The following CSMD1 variants were observed in gnomAD, a reference collection of about 807,000 sequenced individuals.
CSMD1 encodes the protein CUB and Sushi multiple domains 1.
A neutral mutation model predicts 417.5 loss-of-function variants in CSMD1; 213 were observed. The ratio of observed to expected loss-of-function variants is 0.51; its 90% CI spans 0.46 to 0.57. The LOEUF (loss-of-function observed/expected upper bound fraction) is 0.57, where lower values mean the gene tolerates loss of function less well. Ranked by LOEUF, CSMD1 falls within the 20% of genes least tolerant of loss-of-function variation. The pLI, the probability that CSMD1 is intolerant of heterozygous loss-of-function variation, is 0.00. For synonymous variants in CSMD1, 2,862 were observed against 1,736.8 expected, an observed-to-expected ratio of 1.65 and a Z score of -16.11; for missense variants, 6,923 against 4,529.7, an observed-to-expected ratio of 1.53 and a Z score of -15.17.
At chr8:4,706,463 C>T (rs1368528820) in intron 1 of CSMD1, among the ~76,000 whole-genome samples, 2 of 152,274 alleles carry the variant, frequency 1.3e-5, no homozygotes, top group South Asian at 2.1e-4. Context: ...TCACAAATGT[C>T]TCTATAATAC....
chr8:4,010,755 T>C (rs1458045379), intron 4 of CSMD1, among the ~76,000 whole-genome samples: 1 of 152,206 alleles, frequency 6.6e-6, no homozygotes, highest in Admixed American at 6.5e-5. Flanking sequence ...TTAGGGCTCA[T>C]GGCCTAATGC....
chr8:3,272,266 C>A (rs1465043308), intron 26 of CSMD1, among the ~76,000 whole-genome samples: 1 of 144,024 alleles, frequency 6.9e-6, no homozygotes, highest in Non-Finnish European at 1.5e-5. Context: ...TTTCTGAGGG[C>A]TCTGTTCTAT....
chr8:3,868,319 C>G (rs1585115065), intron 5 of CSMD1, among the ~76,000 whole-genome samples: 2 of 152,046 alleles, frequency 1.3e-5, no homozygotes, highest in East Asian at 3.9e-4. Flanking sequence ...TCATTTTCAC[C>G]CGGAGACATT....
chr8:3,339,894 C>G (rs1807530982), intron 23 of CSMD1, among the ~76,000 whole-genome samples: 1 of 152,150 alleles, frequency 6.6e-6, no homozygotes, highest in Non-Finnish European at 1.5e-5. Flanking sequence ...TGAACATAGA[C>G]AAGTCTGTAA....
intron 5 of CSMD1, among the ~76,000 whole-genome samples, chr8:3,881,228 C>G (rs573801214): frequency 1.3e-5 from 2 of 149,614 alleles, no homozygotes; most frequent in South Asian, 4.2e-4. Context: ...CACTCTCAAC[C>G]CAAACCTCAA....
chr8:4,459,408 G>A (rs967834967), intron 2 of CSMD1, among the ~76,000 whole-genome samples: 13 of 152,214 alleles, frequency 8.5e-5, no homozygotes, highest in Admixed American at 8.5e-4. Flanking sequence ...GAAGCTGAGA[G>A]TGTCTCTGCC....
At chr8:4,513,650 T>A (rs2130357429) in intron 2 of CSMD1, among the ~76,000 whole-genome samples, 1 of 152,192 alleles carries the variant, frequency 6.6e-6, no homozygotes, top group Non-Finnish European at 1.5e-5. Flanking sequence ...AAAGGAAGAG[T>A]TCTTTGCACT....
At chr8:3,667,926 C>A (rs1338273034) in intron 7 of CSMD1, among the ~76,000 whole-genome samples, 2 of 152,150 alleles carry the variant, frequency 1.3e-5, no homozygotes, top group Non-Finnish European at 2.9e-5. Context: ...GGAGACACCA[C>A]TGGTGCCAAT....
chr8:3,826,156 G>C (rs896546650), intron 5 of CSMD1, among the ~76,000 whole-genome samples: 3 of 152,034 alleles, frequency 2.0e-5, no homozygotes, highest in African/African-American at 7.2e-5. Context: ...ATACATCAAA[G>C]TGACGAGGCT....
intron 1 of CSMD1, among the ~76,000 whole-genome samples, chr8:4,766,067 GAAGA>G (rs1157665817): frequency 6.6e-6 from 1 of 152,156 alleles, no homozygotes; most frequent in Non-Finnish European, 1.5e-5. Flanking sequence ...AATCTAGCTA[GAAGA>G]AAGACATTTT....
At chr8:3,848,397 A>G (rs559804984) in intron 5 of CSMD1, among the ~76,000 whole-genome samples, 53 of 152,352 alleles carry the variant, frequency 3.5e-4, no homozygotes, top group African/African-American at 1.2e-3. Context: ...TTCTCTAGGC[A>G]TAGTTGGTGT....
intron 2 of CSMD1, among the ~76,000 whole-genome samples, chr8:4,428,370 G>A (rs552632503): frequency 6.6e-6 from 1 of 152,200 alleles, no homozygotes; most frequent in South Asian, 2.1e-4. Flanking sequence ...AGTAATTCTA[G>A]GTAGCTTGTT....
chr8:3,470,307 T>C (rs891011853), intron 11 of CSMD1, among the ~76,000 whole-genome samples: 1 of 152,234 alleles, frequency 6.6e-6, no homozygotes, highest in African/African-American at 2.4e-5. Context: ...TTATAGTGTA[T>C]AAACACAAGT....
At chr8:3,374,602 C>T (rs1464439564) in intron 18 of CSMD1, among the ~76,000 whole-genome samples, 1 of 152,176 alleles carries the variant, frequency 6.6e-6, no homozygotes, top group Non-Finnish European at 1.5e-5. Context: ...AATGCACATC[C>T]TGGCAAATGT....
intron 3 of CSMD1, among the ~76,000 whole-genome samples, chr8:4,083,772 T>C (rs1416401907): frequency 3.3e-5 from 5 of 152,276 alleles, no homozygotes; most frequent in South Asian, 2.1e-4. Context: ...ATTCAGGACA[T>C]AGGCATGGGC....
intron 3 of CSMD1, among the ~76,000 whole-genome samples, chr8:4,069,387 C>A (rs1490147280): frequency 1.3e-5 from 2 of 152,144 alleles, no homozygotes; most frequent in Non-Finnish European, 2.9e-5. Context: ...ATGCTTTCGT[C>A]TGTTTTCTGA....
chr8:4,127,866 A>T (rs1802858864), intron 3 of CSMD1, among the ~76,000 whole-genome samples: 1 of 152,206 alleles, frequency 6.6e-6, no homozygotes, highest in Non-Finnish European at 1.5e-5. Context: ...GAAGAAACCC[A>T]GACACTGCCA....
At chr8:4,022,774 A>G (rs528297771) in intron 4 of CSMD1, among the ~76,000 whole-genome samples, 77 of 152,334 alleles carry the variant, frequency 5.1e-4, no homozygotes, top group African/African-American at 1.8e-3. Context: ...AGAGAAAACA[A>G]TTGTATTCCA....
intron 1 of CSMD1, among the ~76,000 whole-genome samples, chr8:4,705,708 C>T (rs992552619): frequency 6.6e-5 from 10 of 152,094 alleles, no homozygotes; most frequent in Non-Finnish European, 1.0e-4. Context: ...GTCTCTTTAA[C>T]GTCTGAAACC....
Sources: allele counts gnomAD v4.1 joint callset (sites outside exome capture counted in the v4.1 genomes callset), GRCh38; gene constraint gnomAD v4.1.1; transcripts MANE v1.5; gene names NCBI Gene and HGNC (gene_info 2026-07-23, HGNC 2026-07-21).